Variants in CDCA2 observed in about 807,000 individuals in gnomAD.
CDCA2 encodes the protein cell division cycle-associated protein 2.
A neutral mutation model predicts 67.0 loss-of-function variants in CDCA2; 44 were observed. The observed-to-expected ratio is 0.66, with a 90% CI of 0.52 to 0.84. The LOEUF is 0.84. Ranked by LOEUF, CDCA2 falls within the 40% of genes least tolerant of loss-of-function variation. The probability of loss-of-function intolerance (pLI) is 0.00; values close to 1 mark genes in which losing one functional copy is unlikely to be tolerated. For missense variants in CDCA2, 1,253 were observed against 1,203.2 expected, an observed-to-expected ratio of 1.04 and a Z score of -0.61; for synonymous variants, 447 against 418.7, an observed-to-expected ratio of 1.07 and a Z score of -0.82.
At chr8:25,472,866 G>A (rs1317203252) in intron 7 of CDCA2, among the ~76,000 whole-genome samples, 1 of 151,914 alleles carries the variant, frequency 6.6e-6, no homozygotes, top group African/African-American at 2.4e-5. Flanking sequence ...ATGGTGAGAC[G>A]TTTGAAAATT....
chr8:25,485,863 A>G (rs1168324260), intron 11 of CDCA2, 26 bp downstream of exon 11: 3 of 1,346,350 alleles, frequency 2.2e-6, no homozygotes, highest in East Asian at 4.6e-5. Flanking sequence ...TCTTAAAATC[A>G]TAAATGTCAT....
In CDCA2 at chr8:25,507,439, T is replaced by C. The variant is rs750907201; in HGVS notation, c.2773T>C (p.Cys925Arg). The C allele has an allele frequency of 1.2e-6, 2 of 1,614,078 alleles. No homozygotes were observed. The highest frequency in any genetic ancestry group is 1.7e-6 in the Non-Finnish European group (2 of 1,180,012). Reference protein sequence around the residue: ...TSQKAKRRTICTFDSSGFESM... With the variant: ...TSQKAKRRTIRTFDSSGFESM... ...CCAAAAAGCCAAAAGAAGAACAATA[T>C]GTACATTTGACAGCAGTGGATTTGA... The change falls in exon 15 of 15, where the codon TGT (cysteine) becomes CGT (arginine). Residue 925 changes from cysteine (C) to arginine (R), a missense_variant. By Grantham distance (180) the Cys-to-Arg change is radical. Coordinates refer to ENST00000330560, the MANE Select transcript of CDCA2 (RefSeq NM_152562.4).
rs60633246 is a variant in CDCA2, at chr8:25,498,453, A to AC, written c.1672-4910dup. Among the ~76,000 whole-genome samples the AC allele has an allele frequency of 7.6e-3, 584 of 76,616 alleles. 16 individuals are homozygous for AC. The highest frequency in any genetic ancestry group is 0.065 in the South Asian group (120 of 1,844). 50.3% of individuals were successfully genotyped at this position (76,616 alleles called of 152,430 possible). Reference sequence around the variant, plus strand: ...AAACCCCTGTCCTCAGGTAATCTGCACCCCCCCCCCGCCCCCCAGGCCTCC... The same window carrying AC: ...AAACCCCTGTCCTCAGGTAATCTGCACCCCCCCCCCCGCCCCCCAGGCCTCC... On this transcript the variant is annotated intron_variant, in intron 13 of 14. Coordinates refer to ENST00000330560, the MANE Select transcript of CDCA2 (RefSeq NM_152562.4).
intron 13 of CDCA2, among the ~76,000 whole-genome samples, chr8:25,502,833 A>G (rs1203583674): frequency 6.6e-6 from 1 of 152,146 alleles, no homozygotes; most frequent in South Asian, 2.1e-4. Context: ...CTACCATACA[A>G]TTTATAAACT....
chr8:25,487,163 C>G (rs1298474012), intron 11 of CDCA2, 83 bp from the exon 12 acceptor site: 5 of 838,970 alleles, frequency 6.0e-6, no homozygotes, highest in Non-Finnish European at 1.0e-5. Context: ...AGGTGGATAT[C>G]CTAAACACAG....
chr8:25,475,421 A>G (rs1803310598), intron 7 of CDCA2, among the ~76,000 whole-genome samples: 1 of 152,212 alleles, frequency 6.6e-6, no homozygotes, highest in African/African-American at 2.4e-5. Context: ...CAGGAGGCTG[A>G]GGCAGGAGAA....
intron 7 of CDCA2, among the ~76,000 whole-genome samples, chr8:25,477,376 C>T (rs149212344): frequency 6.6e-6 from 1 of 152,106 alleles, no homozygotes; most frequent in African/African-American, 2.4e-5. Context: ...TGAATGCCCC[C>T]CCTCGACCTT....
chr8:25,479,919 A>G lies in CDCA2; in HGVS notation c.827A>G (p.Lys276Arg), dbSNP rs748807211. ...TTACATGTTTATCTTGAAGCACTAA[A>G]GGTTGCTGACTGTGTAGTGGGCAAA... ...SELTETSNAL[K>R]VADCVVGKGS... The change falls in exon 8 of 15, where the codon AAG becomes AGG. Residue 276 changes from lysine (K) to arginine (R), a missense_variant. Physicochemically the swap from Lys to Arg is conservative, Grantham distance 26. Transcript: ENST00000330560. 110 of 1,614,154 alleles carry G rather than the reference A, an allele frequency of 6.8e-5. No homozygotes were observed. Among genetic ancestry groups the G allele is most frequent in the Middle Eastern group, 3.3e-4 (2 of 6,056 alleles).
intron 4 of CDCA2, among the ~76,000 whole-genome samples, chr8:25,462,605 G>T (rs570547861): frequency 6.6e-6 from 1 of 150,738 alleles, no homozygotes; most frequent in African/African-American, 2.4e-5. Flanking sequence ...CAGTCTGGGC[G>T]ACAGAGTGAG....
At chr8:25,473,942 C>T (rs1408957213) in intron 7 of CDCA2, among the ~76,000 whole-genome samples, 2 of 152,132 alleles carry the variant, frequency 1.3e-5, no homozygotes, top group Non-Finnish European at 2.9e-5. Flanking sequence ...TGCTCCTTTC[C>T]CCAAATCTCA....
chr8:25,467,987 A>C (rs887374766), intron 5 of CDCA2, among the ~76,000 whole-genome samples: 8 of 151,860 alleles, frequency 5.3e-5, no homozygotes, highest in African/African-American at 1.9e-4. Context: ...GCATGGTGGC[A>C]TGAGCCTGTA....
Position 25,499,754 on chromosome 8 carries a change from A to T in CDCA2, c.1672-3619A>T, listed in dbSNP as rs1054743373. 5.9e-5 allele frequency among the ~76,000 whole-genome samples: 9 copies of T among 152,208 alleles called. No individual in the cohort carries two copies. The East Asian group carries it at 1.3e-3, about 23-fold the overall frequency. The stretch of plus-strand genomic sequence containing the variant: ...GGAATCAGTGATTTTGGAGTAAACG[A>T]AATTGCTTTAGGGACAATCCCTTCA... On this transcript the variant is annotated intron_variant, in intron 13 of 14. Coordinates refer to ENST00000330560, the MANE Select transcript of CDCA2 (RefSeq NM_152562.4).
At chr8:25,477,040 A>T (rs2117503990) in intron 7 of CDCA2, among the ~76,000 whole-genome samples, 1 of 151,762 alleles carries the variant, frequency 6.6e-6, no homozygotes, top group Admixed American at 6.6e-5. Context: ...CCATTTCTTT[A>T]CTCTACTTTA....
intron 13 of CDCA2, 152 bp downstream of exon 13, chr8:25,488,841 G>C: frequency 9.6e-5 from 51 of 528,506 alleles, no homozygotes; most frequent in East Asian, 2.9e-4. Context: ...GGGTGGGGGG[G>C]TTATGTACTT....
chr8:25,460,666 C>G, intron 3 of CDCA2, 112 bp downstream of exon 3: 1 of 1,119,498 alleles, frequency 8.9e-7, no homozygotes. Context: ...CCTAAATTGC[C>G]TACTCTGCAA....
intron 7 of CDCA2, chr8:25,479,573 G>T: frequency 3.3e-6 from 1 of 304,526 alleles, no homozygotes; most frequent in Non-Finnish European, 6.3e-6. Flanking sequence ...AGTTTTTATG[G>T]TCCAAGTAGT....
Position 25,484,061 on chromosome 8 carries a change from G to C in CDCA2, c.1216G>C (p.Glu406Gln). The C allele has an allele frequency of 6.2e-7, 1 of 1,614,168 alleles. No individual in the cohort carries two copies. ...GEDLSPEVFD[E>Q]SLPANTPLRK... is the part of the protein sequence containing the mutation. ...GGACTTAAGCCCGGAAGTGTTTGAT[G>C]AATCTTTGCCAGCAAATACTCCATT... Residue 406 changes from glutamate to glutamine, a missense_variant, in exon 10 of 15, where the codon GAA becomes CAA. Physicochemically the swap from Glu to Gln is conservative, Grantham distance 29 (BLOSUM62 2). Coordinates refer to ENST00000330560, the MANE Select transcript of CDCA2 (RefSeq NM_152562.4).
intron 13 of CDCA2, among the ~76,000 whole-genome samples, chr8:25,495,579 T>C (rs1034397476): frequency 2.6e-5 from 4 of 152,124 alleles, no homozygotes; most frequent in African/African-American, 9.7e-5. Context: ...CACGCCCGGC[T>C]AATTTTTTAT....
rs1026335268 is a variant in CDCA2, at chr8:25,459,258, G to A, written c.-216G>A. Reference sequence around the variant, plus strand: ...GGAGGAGGCTGCCGGGCAGAGCGCAGGCCAGGATCAGCGCAGGCTGTGAGT... The same window carrying A: ...GGAGGAGGCTGCCGGGCAGAGCGCAAGCCAGGATCAGCGCAGGCTGTGAGT... On this transcript the variant is annotated 5_prime_UTR_variant, in exon 1 of 15. Coordinates refer to ENST00000330560, the MANE Select transcript of CDCA2 (RefSeq NM_152562.4). The A allele has an allele frequency of 2.6e-5, 4 of 152,590 alleles. No homozygotes were observed. Among genetic ancestry groups the A allele is most frequent in the Admixed American group, 1.3e-4 (2 of 15,288 alleles). 9.5% of individuals were successfully genotyped at this position (152,590 alleles called of 1,614,324 possible). A position where few individuals can be genotyped will look rare whatever the true frequency, so the allele number is the denominator to read the frequency against.
Sources: gnomAD v4.1 joint callset for allele counts (sites outside exome capture counted in the v4.1 genomes callset) on GRCh38, gnomAD v4.1.1 for gene constraint, MANE v1.5 for transcripts, NCBI Gene and HGNC (gene_info 2026-07-23, HGNC 2026-07-21) for gene names.